Variants in PMFBP1 observed in about 807,000 individuals in gnomAD.
The protein encoded by PMFBP1 is polyamine modulated factor 1 binding protein 1.
Under a neutral mutation model 137.8 loss-of-function variants are expected in PMFBP1, and 131 were observed. The ratio of observed to expected loss-of-function variants is 0.95; its 90% confidence interval spans 0.82 to 1.10. The LOEUF is 1.10. PMFBP1 is among the 50% of genes least tolerant of loss of function. PMFBP1 has a pLI of 0.00. For missense variants in PMFBP1, 1,199 were observed against 1,175.4 expected, an observed-to-expected ratio of 1.02 and a Z score of -0.29; for synonymous variants, 490 against 450.4, an observed-to-expected ratio of 1.09 and a Z score of -1.11.
intron 4 of PMFBP1, 28 bp downstream of exon 4, chr16:72,154,183 G>T (rs1338080186): frequency 1.2e-6 from 2 of 1,606,916 alleles, no homozygotes; most frequent in African/African-American, 1.3e-5. Flanking sequence ...AAGAATGTGG[G>T]TTATTTCCAT....
At chr16:72,199,839 A>C in the PMFBP1 span, among the ~76,000 whole-genome samples, 1 of 152,122 alleles carries the variant, frequency 6.6e-6, no homozygotes, top group Non-Finnish European at 1.5e-5. Flanking sequence ...CTGGAATAGG[A>C]AACATGGAGA....
the PMFBP1 span, among the ~76,000 whole-genome samples, chr16:72,248,550 T>C: frequency 6.6e-6 from 1 of 152,190 alleles, no homozygotes; most frequent in Admixed American, 6.5e-5. Flanking sequence ...CAGAGCACAG[T>C]TTCTTCTTTG....
chr16:72,171,993 A>G (rs2043226773), intron 1 of PMFBP1, 61 bp downstream of exon 1: 1 of 152,202 alleles, frequency 6.6e-6, no homozygotes, highest in South Asian at 2.1e-4. Flanking sequence ...AGCTTATTAA[A>G]ATCATCTCAT....
At chr16:72,142,714 A>G (rs2042741588) in intron 5 of PMFBP1, among the ~76,000 whole-genome samples, 1 of 152,248 alleles carries the variant, frequency 6.6e-6, no homozygotes, top group Non-Finnish European at 1.5e-5. Flanking sequence ...GAAAACTCCA[A>G]GAATGCAGAA....
Position 72,153,921 on chromosome 16 carries a change from TACACACAC to T in PMFBP1, c.414+282_414+289del, listed in dbSNP as rs3223525. ...TAATAGAATGGAGAAGATGGACTTA[TACACACAC>T]ACACACACACACACACACACACACA... On this transcript the variant is annotated intron_variant, in intron 4 of 20. Coordinates refer to ENST00000237353, the MANE Select transcript of PMFBP1 (RefSeq NM_031293.3). Among the ~76,000 whole-genome samples the T allele has an allele frequency of 9.9e-3, 1,320 of 133,914 alleles. 20 individuals are homozygous for T. The highest frequency in any genetic ancestry group is 0.029 in the African/African-American group (1,010 of 35,170). 87.9% of individuals were successfully genotyped at this position (133,914 alleles called of 152,430 possible). A position where few individuals can be genotyped will look rare whatever the true frequency, so the allele number is the denominator to read the frequency against.
At chr16:72,123,822 G>A (rs2042413236) in intron 17 of PMFBP1, among the ~76,000 whole-genome samples, 173 bp from the exon 18 acceptor site, 1 of 152,172 alleles carries the variant, frequency 6.6e-6, no homozygotes, top group Admixed American at 6.5e-5. Context: ...GCTTGTGCGG[G>A]TGGCATCTCA....
intron 9 of PMFBP1, among the ~76,000 whole-genome samples, chr16:72,136,019 T>C (rs2042625772): frequency 6.6e-6 from 1 of 152,034 alleles, no homozygotes; most frequent in African/African-American, 2.4e-5. Context: ...CCTCTTAAAG[T>C]GCTGGGATTA....
intron 10 of PMFBP1, 132 bp downstream of exon 10, chr16:72,132,616 C>T (rs542900031): frequency 4.2e-6 from 6 of 1,427,946 alleles, no homozygotes; most frequent in Non-Finnish European, 5.7e-6. Context: ...GGATGAGGCC[C>T]TGAGAAGGTC....
Position 72,164,710 on chromosome 16 carries a change from G to A in PMFBP1, c.165+54C>T, listed in dbSNP as rs1243907971. On this transcript the variant is annotated intron_variant, in intron 3 of 20. Coordinates refer to ENST00000237353, the MANE Select transcript of PMFBP1 (RefSeq NM_031293.3). ...CTTTCTATTATTCCCGCCCAAGGGA[G>A]CAGAGGCAGAAGTCAAGAGAGCAGG... 5.2e-6 allele frequency: 8 copies of A among 1,539,504 alleles called. No individual in the cohort carries two copies. In the African/African-American group the frequency reaches 6.9e-5, roughly 13 times the overall value.
chr16:72,193,893 G>A, the PMFBP1 span, among the ~76,000 whole-genome samples: 2 of 151,770 alleles, frequency 1.3e-5, no homozygotes, highest in East Asian at 1.9e-4. Context: ...TCCACAGGGC[G>A]GGTTAATATT....
the PMFBP1 span, among the ~76,000 whole-genome samples, chr16:72,230,157 AAGG>A: frequency 1.3e-5 from 2 of 152,180 alleles, no homozygotes; most frequent in Non-Finnish European, 2.9e-5. Context: ...ACTGACTGGT[AAGG>A]AGGAGAGCTA....
Position 72,166,854 on chromosome 16 carries a change from C to A in PMFBP1, c.13-1938G>T, listed in dbSNP as rs536611742. Among the ~76,000 whole-genome samples the A allele has an allele frequency of 1.6e-4, 24 of 152,318 alleles. No individual in the cohort carries two copies. In the South Asian group the frequency reaches 5.0e-3, roughly 32 times the overall value. On this transcript the variant is annotated intron_variant, in intron 2 of 20. Transcript: ENST00000237353. Reference sequence around the variant, plus strand: ...CTGTAGGCAAAGTGACTTCAATAGTCTAAAGGCAATTCTTCTAAGAGAGTT... The same window carrying A: ...CTGTAGGCAAAGTGACTTCAATAGTATAAAGGCAATTCTTCTAAGAGAGTT...
the PMFBP1 span, among the ~76,000 whole-genome samples, chr16:72,196,362 G>A: frequency 0.55 from 84,253 of 152,002 alleles, 24,508 homozygotes; most frequent in African/African-American, 0.74. Context: ...TCTTCTCTGT[G>A]GTACAGAACT....
intron 4 of PMFBP1, among the ~76,000 whole-genome samples, chr16:72,153,436 T>A (rs2042933161): frequency 6.6e-6 from 1 of 152,084 alleles, no homozygotes; most frequent in Admixed American, 6.6e-5. Flanking sequence ...TCCTTGAAAT[T>A]TTATCTTTAA....
At chr16:72,244,392 A>G in the PMFBP1 span, among the ~76,000 whole-genome samples, 2 of 152,198 alleles carry the variant, frequency 1.3e-5, no homozygotes, top group African/African-American at 4.8e-5. Flanking sequence ...AATGTGTAGA[A>G]AAGAATATAG....
At chr16:72,178,966 C>T (rs143635499), upstream of PMFBP1, among the ~76,000 whole-genome samples, 27 of 152,282 alleles carry the variant, frequency 1.8e-4, no homozygotes, top group East Asian at 5.2e-3. Flanking sequence ...CCCTCTCCAC[C>T]ATAAACTCTC....
chr16:72,237,644 T>A, the PMFBP1 span, among the ~76,000 whole-genome samples: 93 of 152,254 alleles, frequency 6.1e-4, no homozygotes, highest in African/African-American at 1.2e-3. Flanking sequence ...GTCTTTTTTT[T>A]AAAAAAACTT....
chr16:72,131,628 A>G (rs1269704846), intron 10 of PMFBP1, among the ~76,000 whole-genome samples: 1 of 152,116 alleles, frequency 6.6e-6, no homozygotes, highest in East Asian at 1.9e-4. Context: ...GAGAGTCTCT[A>G]GATGACTACA....
chr16:72,221,991 C>G, the PMFBP1 span, among the ~76,000 whole-genome samples: 11 of 152,152 alleles, frequency 7.2e-5, no homozygotes, highest in Non-Finnish European at 4.4e-5. Context: ...GTATATGTGT[C>G]ACTTCATTTA....
Sources: gnomAD v4.1 joint callset for allele counts (sites outside exome capture counted in the v4.1 genomes callset) on GRCh38, gnomAD v4.1.1 for gene constraint, MANE v1.5 for transcripts, NCBI Gene and HGNC (gene_info 2026-07-23, HGNC 2026-07-21) for gene names.